Variants in GABRB2 observed in about 807,000 individuals in gnomAD.
GABRB2 encodes gamma-aminobutyric acid receptor subunit beta-2.
A neutral mutation model predicts 54.7 loss-of-function variants in GABRB2; 16 were observed. The ratio of observed to expected loss-of-function variants is 0.29; its 90% CI spans 0.20 to 0.44. The LOEUF is 0.44. Among genes scored for constraint, GABRB2 ranks in the 20% least tolerant of loss-of-function variants. GABRB2 has a pLI of 1.00. For missense variants in GABRB2, 355 were observed against 644.0 expected, an observed-to-expected ratio of 0.55 and a Z score of 4.86; for synonymous variants, 244 against 233.8, an observed-to-expected ratio of 1.04 and a Z score of -0.40.
At chr5:161,529,280 C>T (rs1166154983) in intron 3 of GABRB2, among the ~76,000 whole-genome samples, 1 of 151,960 alleles carries the variant, frequency 6.6e-6, no homozygotes, top group East Asian at 1.9e-4. Flanking sequence ...TATTTACGTT[C>T]TATTTGTTCG....
chr5:161,337,286 T>C (rs1457135062), intron 5 of GABRB2, among the ~76,000 whole-genome samples: 1 of 152,170 alleles, frequency 6.6e-6, no homozygotes, highest in Admixed American at 6.6e-5. Context: ...TTACAATACA[T>C]TTGAATTTCA....
rs930162888 is a variant in GABRB2, at chr5:161,292,880, T to C, written c.*1201A>G. 2.6e-5 allele frequency: 4 copies of C among 152,146 alleles called. No homozygotes were observed. Among genetic ancestry groups the C allele is most frequent in the Non-Finnish European group, 4.4e-5 (3 of 67,998 alleles). The allele number at this position is 152,146 out of a possible 1,614,324, so 9.4% of individuals were successfully genotyped here. A position where few individuals can be genotyped will look rare whatever the true frequency, so the allele number is the denominator to read the frequency against. ...CCTTACTTTGCCAGTCTCCTAAGAA[T>C]ATAATCAGAATTTTGGAAGCAAAAA... On this transcript the variant is annotated 3_prime_UTR_variant, in exon 10 of 10. Transcript: ENST00000393959.
At chr5:161,390,864 C>T (rs997974193) in intron 5 of GABRB2, among the ~76,000 whole-genome samples, 1 of 152,058 alleles carries the variant, frequency 6.6e-6, no homozygotes, top group Admixed American at 6.6e-5. Flanking sequence ...TGCTTCTAAA[C>T]CAGTAAGCCA....
At chr5:161,460,903 A>T (rs1758103993) in intron 3 of GABRB2, among the ~76,000 whole-genome samples, 1 of 152,196 alleles carries the variant, frequency 6.6e-6, no homozygotes, top group Non-Finnish European at 1.5e-5. Flanking sequence ...TGCAGAGAGC[A>T]GAGAAGGAGC....
intron 5 of GABRB2, among the ~76,000 whole-genome samples, chr5:161,396,105 T>C (rs1283836421): frequency 6.6e-6 from 1 of 152,174 alleles, no homozygotes; most frequent in African/African-American, 2.4e-5. Flanking sequence ...CTTCAGAAAT[T>C]GTTCCGATAC....
In GABRB2 at chr5:161,383,731, C is replaced by T. The variant is rs567235845; in HGVS notation, c.541+27244G>A. Among the ~76,000 whole-genome samples the T allele has an allele frequency of 2.3e-3, 355 of 152,288 alleles. 1 individual carries two copies. Among genetic ancestry groups the T allele is most frequent in the Middle Eastern group, 6.8e-3 (2 of 294 alleles). ...TAATCTACATCCAACCCTCTTCCCC[C>T]ACCATAGATTATTTTGAACCAAATC... On this transcript the variant is annotated intron_variant, in intron 5 of 9. Transcript: ENST00000393959.
chr5:161,395,491 G>A (rs2962397), intron 5 of GABRB2, among the ~76,000 whole-genome samples: 102,907 of 151,902 alleles, frequency 0.68, 36,111 homozygotes, highest in South Asian at 0.8. Context: ...AATAATCATC[G>A]TACTCACCTA....
intron 4 of GABRB2, among the ~76,000 whole-genome samples, chr5:161,431,583 T>C (rs1428774657): frequency 1.3e-5 from 2 of 152,186 alleles, no homozygotes; most frequent in South Asian, 2.1e-4. Context: ...AATACACCTT[T>C]TGTTTCATCA....
rs1757254481 is a variant in GABRB2, at chr5:161,292,093, T to G, written c.*1988A>C. 1 of 152,150 alleles carries G rather than the reference T, an allele frequency of 6.6e-6. No homozygotes were observed. The highest frequency in any genetic ancestry group is 2.4e-5 in the African/African-American group (1 of 41,430). 9.4% of individuals were successfully genotyped at this position (152,150 alleles called of 1,614,324 possible). Reference sequence around the variant, plus strand: ...ATATAATGGCCAAGGTTTCCTACACTGGTGAAAAACAAAATACCATTCCAT... The same window carrying G: ...ATATAATGGCCAAGGTTTCCTACACGGGTGAAAAACAAAATACCATTCCAT... On this transcript the variant is annotated 3_prime_UTR_variant, in exon 10 of 10. Coordinates refer to ENST00000393959, the MANE Select transcript of GABRB2 (RefSeq NM_001371727.1).
chr5:161,316,553 TCTTC>T (rs1464033656), intron 9 of GABRB2, among the ~76,000 whole-genome samples: 1 of 152,132 alleles, frequency 6.6e-6, no homozygotes. Context: ...CCCCTTTTTC[TCTTC>T]CTTGTCTTTT....
At chr5:161,338,999 C>T (rs1418918588) in intron 5 of GABRB2, among the ~76,000 whole-genome samples, 1 of 152,008 alleles carries the variant, frequency 6.6e-6, no homozygotes, top group Non-Finnish European at 1.5e-5. Flanking sequence ...AATATGGTGA[C>T]AAAATACTCA....
chr5:161,538,302 G>A (rs1036978589), intron 3 of GABRB2, among the ~76,000 whole-genome samples: 6 of 152,114 alleles, frequency 3.9e-5, no homozygotes, highest in South Asian at 2.1e-4. Context: ...TAACCTTGTC[G>A]TGATGTAATT....
intron 3 of GABRB2, among the ~76,000 whole-genome samples, chr5:161,484,972 A>T (rs1758873541): frequency 6.6e-6 from 1 of 151,964 alleles, no homozygotes; most frequent in Non-Finnish European, 1.5e-5. Flanking sequence ...TATGCTTCTG[A>T]ATATTGAACG....
intron 9 of GABRB2, among the ~76,000 whole-genome samples, chr5:161,321,770 T>G (rs1387470833): frequency 6.6e-6 from 1 of 152,164 alleles, no homozygotes; most frequent in Non-Finnish European, 1.5e-5. Context: ...GTCATTCACT[T>G]TTTCTTAACT....
chr5:161,330,722 A>T, intron 8 of GABRB2, 161 bp downstream of exon 8: 1 of 1,003,030 alleles, frequency 1.0e-6, no homozygotes, highest in Non-Finnish European at 1.5e-6. Context: ...TTTGGTCCCT[A>T]ATTGTGCTTC....
At chr5:161,532,409 T>C (rs1363164250) in intron 3 of GABRB2, among the ~76,000 whole-genome samples, 1 of 152,100 alleles carries the variant, frequency 6.6e-6, no homozygotes, top group Non-Finnish European at 1.5e-5. Flanking sequence ...ACTATAAAAC[T>C]ACTATTCCTA....
chr5:161,490,471 G>T (rs1759064938), intron 3 of GABRB2, among the ~76,000 whole-genome samples: 1 of 151,578 alleles, frequency 6.6e-6, no homozygotes, highest in Non-Finnish European at 1.5e-5. Context: ...ATAAAATAAG[G>T]ATGAAAAACT....
intron 3 of GABRB2, among the ~76,000 whole-genome samples, chr5:161,487,509 T>C (rs1005569668): frequency 1.3e-5 from 2 of 151,910 alleles, no homozygotes; most frequent in East Asian, 1.9e-4. Flanking sequence ...AAATTCATTT[T>C]TGGCATATGG....
chr5:161,519,987 G>C (rs1216847386), intron 3 of GABRB2, among the ~76,000 whole-genome samples: 2 of 151,756 alleles, frequency 1.3e-5, no homozygotes, highest in African/African-American at 2.4e-5. Context: ...TTCCAATGTT[G>C]GTTTTTCCTC....
Sources: allele counts gnomAD v4.1 joint callset (sites outside exome capture counted in the v4.1 genomes callset), GRCh38; gene constraint gnomAD v4.1.1; transcripts MANE v1.5; gene names NCBI Gene and HGNC (gene_info 2026-07-23, HGNC 2026-07-21).